SKIC3: variants seen among roughly 807,000 people sequenced by gnomAD.
SKIC3 encodes the protein superkiller complex protein 3.
chr5:95,542,676 A>G, the SKIC3 span, among the ~76,000 whole-genome samples: 1 of 152,308 alleles, frequency 6.6e-6, no homozygotes, highest in East Asian at 1.9e-4. Flanking sequence ...GGCCTACTAC[A>G]TCGTATTAAT....
the SKIC3 span, chr5:95,516,863 A>G: frequency 1.3e-6 from 2 of 1,558,868 alleles, no homozygotes; most frequent in Non-Finnish European, 1.7e-6. Flanking sequence ...AACAACTTCG[A>G]GAAAAGCATT....
chr5:95,542,199 TAATGGC>T, the SKIC3 span, among the ~76,000 whole-genome samples: 5 of 152,182 alleles, frequency 3.3e-5, no homozygotes, highest in Non-Finnish European at 7.3e-5. Context: ...TAAACACTTT[TAATGGC>T]TATTCTACAA....
At chr5:95,553,023 T>C in the SKIC3 span, among the ~76,000 whole-genome samples, 1 of 90,402 alleles carries the variant, frequency 1.1e-5, no homozygotes, top group Non-Finnish European at 2.0e-5. Context: ...AAATGTGGAA[T>C]GAGGTACTCA....
the SKIC3 span, chr5:95,547,007 A>G: frequency 3.0e-5 from 46 of 1,527,032 alleles, no homozygotes; most frequent in African/African-American, 2.7e-5. Context: ...CAAATCAACA[A>G]TGTTTATAAA....
the SKIC3 span, chr5:95,524,508 T>A: frequency 1.5e-5 from 25 of 1,613,624 alleles, no homozygotes; most frequent in Non-Finnish European, 1.9e-5. Context: ...TTTTCTTGTC[T>A]CTTCACCCAT....
chr5:95,482,671 T>G, the SKIC3 span: 1 of 1,609,238 alleles, frequency 6.2e-7, no homozygotes, highest in Non-Finnish European at 8.5e-7. Context: ...TCAAATAGGT[T>G]CTTAAGTGTT....
the SKIC3 span, among the ~76,000 whole-genome samples, chr5:95,492,848 T>C: frequency 6.6e-6 from 1 of 151,928 alleles, no homozygotes; most frequent in Non-Finnish European, 1.5e-5. Flanking sequence ...GCATTTCTGA[T>C]TGGAGAATGG....
chr5:95,489,447 T>C, the SKIC3 span, among the ~76,000 whole-genome samples: 2 of 149,116 alleles, frequency 1.3e-5, no homozygotes, highest in African/African-American at 2.5e-5. Flanking sequence ...CATAAAGCAG[T>C]ATAGTGTTAG....
chr5:95,533,827 T>C, the SKIC3 span, among the ~76,000 whole-genome samples: 8 of 152,336 alleles, frequency 5.3e-5, no homozygotes, highest in South Asian at 1.7e-3. Context: ...AGACTATTGT[T>C]GATCCTATTT....
At chr5:95,467,719 G>T in the SKIC3 span, 2 of 1,125,914 alleles carry the variant, frequency 1.8e-6, no homozygotes, top group Non-Finnish European at 1.2e-6. Flanking sequence ...TCTTTTATTA[G>T]CCAAAAAATT....
chr5:95,524,380 G>C, the SKIC3 span: 2 of 1,557,702 alleles, frequency 1.3e-6, no homozygotes, highest in Non-Finnish European at 1.7e-6. Flanking sequence ...TCAGTAAAGA[G>C]TAATTGTAAC....
the SKIC3 span, among the ~76,000 whole-genome samples, chr5:95,474,392 A>G: frequency 6.6e-6 from 1 of 152,202 alleles, no homozygotes; most frequent in Non-Finnish European, 1.5e-5. Context: ...GATGCTTCAA[A>G]ACAAGAAAAT....
At chr5:95,549,121 AG>A in the SKIC3 span, among the ~76,000 whole-genome samples, 1 of 152,038 alleles carries the variant, frequency 6.6e-6, no homozygotes, top group African/African-American at 2.4e-5. Context: ...AGAGAAGGAA[AG>A]GTGTGTGGTG....
At chr5:95,518,930 A>G in the SKIC3 span, among the ~76,000 whole-genome samples, 1 of 152,096 alleles carries the variant, frequency 6.6e-6, no homozygotes, top group South Asian at 2.1e-4. Flanking sequence ...CCCATAAACC[A>G]TATAAGAGTT....
the SKIC3 span, chr5:95,529,331 T>C: frequency 6.9e-6 from 4 of 576,612 alleles, no homozygotes; most frequent in African/African-American, 7.5e-5. Context: ...CTACAAGTGC[T>C]TGCCATCCAC....
the SKIC3 span, among the ~76,000 whole-genome samples, chr5:95,484,466 C>A: frequency 2.0e-5 from 3 of 151,588 alleles, no homozygotes; most frequent in Admixed American, 6.6e-5. Flanking sequence ...CCTGCCTCAG[C>A]CTCTCGAGTA....
the SKIC3 span, among the ~76,000 whole-genome samples, chr5:95,493,130 T>C: frequency 5.9e-5 from 9 of 152,218 alleles, no homozygotes; most frequent in Non-Finnish European, 1.2e-4. Flanking sequence ...CTCCCTGGAA[T>C]AGCATCTATC....
At chr5:95,489,301 T>C in the SKIC3 span, among the ~76,000 whole-genome samples, 2 of 151,714 alleles carry the variant, frequency 1.3e-5, no homozygotes, top group African/African-American at 2.4e-5. Flanking sequence ...AAAATAATGA[T>C]AGCAACAATG....
At chr5:95,518,529 T>TA in the SKIC3 span, among the ~76,000 whole-genome samples, 1 of 152,012 alleles carries the variant, frequency 6.6e-6, no homozygotes, top group Admixed American at 6.6e-5. Context: ...ATTTTTTTTT[T>TA]AGCTTCCACA....
Sources: gnomAD v4.1 joint callset for allele counts (sites outside exome capture counted in the v4.1 genomes callset) on GRCh38, gnomAD v4.1.1 for gene constraint, MANE v1.5 for transcripts, NCBI Gene and HGNC (gene_info 2026-07-23, HGNC 2026-07-21) for gene names.